Variants in THRB observed in about 807,000 individuals in gnomAD.
THRB encodes the protein nuclear receptor subfamily 1 group A member 2.
Under a neutral mutation model 47.8 loss-of-function variants are expected in THRB, and 12 were observed. That is an observed-to-expected ratio of 0.25 (90% CI 0.16 to 0.41). The LOEUF is 0.41. Ranked by LOEUF, THRB falls within the 10% of genes least tolerant of loss-of-function variation. THRB has a pLI of 1.00. For missense variants in THRB, 348 were observed against 589.2 expected (o/e 0.59, Z 4.24); for synonymous variants, 218 against 212.2 (o/e 1.03, Z -0.24).
Position 24,316,847 on chromosome 3 carries a change from C to G in THRB, c.-188-19476G>C, listed in dbSNP as rs980862485. On this transcript the variant is annotated intron_variant, in intron 2 of 10. Coordinates refer to ENST00000646209, the MANE Select transcript of THRB (RefSeq NM_001354712.2). ...CCCAGAACACTTGACACCTCCCAAA[C>G]AAGCTATGCCTTATCACAACTCAGA... Among the ~76,000 whole-genome samples, 42 of 152,330 alleles carry G rather than the reference C, an allele frequency of 2.8e-4. 1 individual carries two copies. The highest frequency in any genetic ancestry group is 2.6e-3 in the Admixed American group (40 of 15,304).
At chr3:24,445,703 C>T (rs2072003166) in intron 1 of THRB, among the ~76,000 whole-genome samples, 1 of 151,986 alleles carries the variant, frequency 6.6e-6, no homozygotes, top group African/African-American at 2.4e-5. Context: ...TTGGCCACAT[C>T]GATGAAGAAT....
In THRB at chr3:24,139,894, T is replaced by G. The variant is rs576927004; in HGVS notation, c.738+3607A>C. ...ATGATAGGCCTCCTCAAATTCTTTTTTGGAACAAAATGGGACATCAACACA... is the reference window on the plus strand; with the variant it reads ...ATGATAGGCCTCCTCAAATTCTTTTGTGGAACAAAATGGGACATCAACACA... On this transcript the variant is annotated intron_variant, in intron 8 of 10. Transcript: ENST00000646209. 3.3e-5 allele frequency among the ~76,000 whole-genome samples: 5 copies of G among 152,328 alleles called. No individual in the cohort carries two copies. The South Asian group carries it at 1.0e-3, about 32-fold the overall frequency.
chr3:24,228,220 G>A (rs779522819), intron 4 of THRB, among the ~76,000 whole-genome samples: 2 of 152,132 alleles, frequency 1.3e-5, no homozygotes, highest in African/African-American at 2.4e-5. Flanking sequence ...TGGCACCACT[G>A]AGTGTACAAC....
intron 1 of THRB, among the ~76,000 whole-genome samples, chr3:24,443,073 T>C (rs759155405): frequency 2.0e-5 from 3 of 151,634 alleles, no homozygotes; most frequent in Non-Finnish European, 2.9e-5. Flanking sequence ...CCCCAGCTAT[T>C]TGGGAGGCTG....
intron 1 of THRB, among the ~76,000 whole-genome samples, chr3:24,392,493 T>A (rs1227155091): frequency 1.3e-5 from 2 of 152,138 alleles, no homozygotes; most frequent in Non-Finnish European, 2.9e-5. Flanking sequence ...TATAACTGTA[T>A]TTTTGCACCC....
intron 8 of THRB, among the ~76,000 whole-genome samples, chr3:24,138,815 T>G (rs935102288): frequency 1.3e-5 from 2 of 152,190 alleles, no homozygotes; most frequent in African/African-American, 4.8e-5. Context: ...AATCAGACAG[T>G]ATCTCTGCCA....
intron 1 of THRB, among the ~76,000 whole-genome samples, chr3:24,358,385 T>C (rs2063832666): frequency 6.6e-6 from 1 of 150,592 alleles, no homozygotes. Context: ...TTTTAAAAAC[T>C]TGTCTGGTAC....
At chr3:24,127,214 A>C (rs958632102) in intron 10 of THRB, among the ~76,000 whole-genome samples, 3 of 152,136 alleles carry the variant, frequency 2.0e-5, no homozygotes, top group Non-Finnish European at 4.4e-5. Flanking sequence ...TTGGCCAAAG[A>C]CTACGAAGAG....
chr3:24,146,599 C>A, intron 7 of THRB, 76 bp downstream of exon 7: 4 of 1,503,578 alleles, frequency 2.7e-6, no homozygotes, highest in Non-Finnish European at 3.7e-6. Context: ...TTCTTTTCTG[C>A]CCAGTCGATC....
Position 24,188,794 on chromosome 3 carries a change from C to A in THRB, c.283+1280G>T, listed in dbSNP as rs1278877109. Among the ~76,000 whole-genome samples, 4 of 146,496 alleles carry A rather than the reference C, an allele frequency of 2.7e-5. No individual in the cohort carries two copies. In the East Asian group the frequency reaches 8.0e-4, roughly 29 times the overall value. On this transcript the variant is annotated intron_variant, in intron 5 of 10. Transcript: ENST00000646209. ...CACACATACGTCCTACATCCTGACT[C>A]CTTTGAAAAACTTTATTTTGCTTTT...
At chr3:24,259,620 C>CTTTTTTTTT (rs10671187) in intron 3 of THRB, among the ~76,000 whole-genome samples, 19 of 98,254 alleles carry the variant, frequency 1.9e-4, no homozygotes, top group African/African-American at 7.4e-4. Flanking sequence ...CTCTGCTTAC[C>CTTTTTTTTT]TTTTTTTTTT....
At chr3:24,154,307 G>A (rs567750818) in intron 5 of THRB, among the ~76,000 whole-genome samples, 10 of 152,142 alleles carry the variant, frequency 6.6e-5, no homozygotes, top group Admixed American at 3.9e-4. Context: ...TGCTTTGCGC[G>A]TTCATTCAGT....
intron 2 of THRB, among the ~76,000 whole-genome samples, chr3:24,305,182 A>T (rs980772347): frequency 6.6e-6 from 1 of 152,208 alleles, no homozygotes; most frequent in Non-Finnish European, 1.5e-5. Context: ...TGTTTCCTGG[A>T]TCAGCAACAT....
In THRB at chr3:24,281,398, G is replaced by C. The variant is rs536986816; in HGVS notation, c.-43+15828C>G. ...AGACAAGCAAATGCTGAGAGATTTT[G>C]TCACCACCAGGCCTGCCCTAGAAGA... is the stretch of plus-strand genomic sequence containing the variant. On this transcript the variant is annotated intron_variant, in intron 3 of 10. Coordinates refer to ENST00000646209, the MANE Select transcript of THRB (RefSeq NM_001354712.2). Among the ~76,000 whole-genome samples the C allele has an allele frequency of 2.6e-3, 389 of 151,974 alleles. 9 individuals carry two copies. The highest frequency in any genetic ancestry group is 0.024 in the East Asian group (126 of 5,156).
rs142394512 is a variant in THRB, at chr3:24,272,518, G to T, written c.-43+24708C>A. On this transcript the variant is annotated intron_variant, in intron 3 of 10. Transcript: ENST00000646209. Reference sequence around the variant, plus strand: ...TTCTGAAAAACATTGCCAACAATTTGTAATGCACTCACATGTTCCCCTCAC... The same window carrying T: ...TTCTGAAAAACATTGCCAACAATTTTTAATGCACTCACATGTTCCCCTCAC... 2.7e-3 allele frequency among the ~76,000 whole-genome samples: 418 copies of T among 152,232 alleles called. 11 individuals carry two copies. The highest frequency in any genetic ancestry group is 0.025 in the East Asian group (130 of 5,176).
intron 3 of THRB, among the ~76,000 whole-genome samples, chr3:24,283,244 T>C (rs1287719904): frequency 6.6e-6 from 1 of 152,178 alleles, no homozygotes; most frequent in African/African-American, 2.4e-5. Flanking sequence ...CATGATCAAG[T>C]GGGCTTCATC....
intron 1 of THRB, among the ~76,000 whole-genome samples, chr3:24,408,495 C>G (rs1039662595): frequency 1.6e-4 from 24 of 151,788 alleles, no homozygotes; most frequent in Admixed American, 1.3e-3. Flanking sequence ...ACACTTGGAT[C>G]CATACTTGAG....
At chr3:24,146,434 C>A (rs1021816251) in intron 7 of THRB, among the ~76,000 whole-genome samples, 1 of 152,212 alleles carries the variant, frequency 6.6e-6, no homozygotes, top group African/African-American at 2.4e-5. Flanking sequence ...CCTCCATCAT[C>A]CATACTTTGA....
Position 24,218,331 on chromosome 3 carries a change from TCTCTCTCTC to T in THRB, c.22+10598_22+10606del, listed in dbSNP as rs1388839495. Among the ~76,000 whole-genome samples the T allele has an allele frequency of 1.6e-3, 188 of 119,376 alleles. 1 individual carries two copies. The highest frequency in any genetic ancestry group is 5.6e-3 in the African/African-American group (166 of 29,600). 78.3% of individuals were successfully genotyped at this position (119,376 alleles called of 152,430 possible). A position where few individuals can be genotyped will look rare whatever the true frequency, so the allele number is the denominator to read the frequency against. ...ATAACAAATAAATTTTTTGTCTCTC[TCTCTCTCTC>T]TCTTTTTTTTTTTTTTTTTTTTAAA... On this transcript the variant is annotated intron_variant, in intron 4 of 10. Coordinates refer to ENST00000646209, the MANE Select transcript of THRB (RefSeq NM_001354712.2).
Sources: gnomAD v4.1 joint callset for allele counts (sites outside exome capture counted in the v4.1 genomes callset) on GRCh38, gnomAD v4.1.1 for gene constraint, MANE v1.5 for transcripts, NCBI Gene and HGNC (gene_info 2026-07-23, HGNC 2026-07-21) for gene names.